Variants in CARD8 observed in about 807,000 individuals in gnomAD.
The protein encoded by CARD8 is caspase recruitment domain family member 8.
Under a neutral mutation model 53.2 loss-of-function variants are expected in CARD8, and 38 were observed. The ratio of observed to expected loss-of-function variants is 0.71; its 90% CI spans 0.55 to 0.94. The LOEUF is 0.94. Among genes scored for constraint, CARD8 ranks in the 40% least tolerant of loss-of-function variants. The pLI is 0.00. For missense variants in CARD8, 561 were observed against 655.5 expected, an observed-to-expected ratio of 0.86 and a Z score of 1.57; for synonymous variants, 245 against 244.9, an observed-to-expected ratio of 1.00 and a Z score of 0.00.
downstream of CARD8, chr19:48,203,332 A>G (rs1043111257): frequency 6.6e-6 from 1 of 152,118 alleles, no homozygotes; most frequent in African/African-American, 2.4e-5. Flanking sequence ...ACTACCTGAA[A>G]TTATGCCACA....
In CARD8 at chr19:48,231,741, T is replaced by C. The variant is rs2042934609; in HGVS notation, c.461A>G (p.Glu154Gly). 1 of 1,613,832 alleles carries C rather than the reference T, an allele frequency of 6.2e-7. No individual in the cohort carries two copies. The highest frequency in any genetic ancestry group is 8.5e-7 in the Non-Finnish European group (1 of 1,179,842). ...YASKVCFEIE[E>G]DYKNRQFLGP... The stretch of plus-strand genomic sequence containing the variant: ...CAGAAACTGACGATTTTTATAATCT[T>C]CTTCGATCTCAAAACAGACTTTAGA... Residue 154 changes from glutamate (E) to glycine (G), a missense_variant, in exon 8 of 14, where the codon GAA (glutamate) becomes GGA (glycine). Glu to Gly is a moderately conservative substitution (Grantham distance 98, BLOSUM62 -2). Transcript: ENST00000651546.
intron 11 of CARD8, among the ~76,000 whole-genome samples, chr19:48,220,717 G>T (rs561859050): frequency 1.3e-5 from 2 of 151,978 alleles, no homozygotes; most frequent in South Asian, 2.1e-4. Context: ...TTCGAGACCA[G>T]CCTGGCCAAC....
At chr19:48,221,913 G>A (rs946205009) in intron 10 of CARD8, 58 bp from the exon 11 acceptor site, 3 of 1,459,744 alleles carry the variant, frequency 2.1e-6, no homozygotes, top group Non-Finnish European at 2.8e-6. Context: ...GCAAGTAGTG[G>A]CATAAAAAGT....
At chr19:48,240,880 T>C (rs985257894) in intron 4 of CARD8, 82 bp downstream of exon 4, 9 of 1,073,750 alleles carry the variant, frequency 8.4e-6, no homozygotes, top group Non-Finnish European at 1.2e-5. Context: ...AAAACATCCA[T>C]GGTCCTCTGT....
intron 10 of CARD8, among the ~76,000 whole-genome samples, chr19:48,228,807 G>A (rs977568200): frequency 6.6e-6 from 1 of 152,088 alleles, no homozygotes; most frequent in Non-Finnish European, 1.5e-5. Context: ...AAGAGGGAAA[G>A]GGACCCAAGA....
At chr19:48,215,941 C>A (rs1013189281) in intron 12 of CARD8, among the ~76,000 whole-genome samples, 6 of 152,026 alleles carry the variant, frequency 3.9e-5, no homozygotes, top group Non-Finnish European at 8.8e-5. Context: ...CATGCCCCCC[C>A]CACCCCACCT....
chr19:48,216,596 G>C (rs1304744073), intron 12 of CARD8, among the ~76,000 whole-genome samples: 1 of 152,218 alleles, frequency 6.6e-6, no homozygotes, highest in Non-Finnish European at 1.5e-5. Flanking sequence ...CAAGAGGGCA[G>C]TTTGCCCAGA....
intron 10 of CARD8, among the ~76,000 whole-genome samples, chr19:48,226,031 G>T (rs1371416345): frequency 1.4e-5 from 2 of 145,920 alleles, no homozygotes; most frequent in African/African-American, 5.3e-5. Context: ...TCCAGCCTGG[G>T]GGACACAGCA....
intron 5 of CARD8, among the ~76,000 whole-genome samples, chr19:48,234,995 T>C (rs1242367056): frequency 6.6e-6 from 1 of 152,200 alleles, no homozygotes; most frequent in African/African-American, 2.4e-5. Flanking sequence ...TTAGTGAGAT[T>C]GGGCATGTTT....
At chr19:48,213,946 G>A (rs1179088749) in intron 13 of CARD8, among the ~76,000 whole-genome samples, 1 of 152,130 alleles carries the variant, frequency 6.6e-6, no homozygotes, top group Non-Finnish European at 1.5e-5. Context: ...GCCAGCTCTT[G>A]ACTATCCTTC....
chr19:48,217,571 C>A (rs1289328290), intron 12 of CARD8, among the ~76,000 whole-genome samples: 1 of 152,068 alleles, frequency 6.6e-6, no homozygotes, highest in Non-Finnish European at 1.5e-5. Flanking sequence ...TTAATCTGTG[C>A]CCATACAACT....
At chr19:48,206,353 T>C, downstream of CARD8, 1 of 434,816 alleles carries the variant, frequency 2.3e-6, no homozygotes, top group Non-Finnish European at 4.7e-6. Flanking sequence ...TATAATGAAA[T>C]AAAACTCAGC....
rs1002101910 is a variant in CARD8 at position 48,208,534 on chromosome 19, C to T, written c.*3176G>A. ...GTCTCATAAGATAACATTCACATTTCGAGGGTACATATCGGAACTACTGAG... is the reference window on the plus strand; with the variant it reads ...GTCTCATAAGATAACATTCACATTTTGAGGGTACATATCGGAACTACTGAG... On this transcript the variant is annotated 3_prime_UTR_variant, in exon 14 of 14. Coordinates refer to ENST00000651546, the MANE Select transcript of CARD8 (RefSeq NM_001184900.3). The T allele has an allele frequency of 6.6e-6, 1 of 152,110 alleles. No individual in the cohort carries two copies. Among genetic ancestry groups the T allele is most frequent in the African/African-American group, 2.4e-5 (1 of 41,412 alleles). The allele number at this position is 152,110 out of a possible 1,614,324, so 9.4% of individuals were successfully genotyped here. A position where few individuals can be genotyped will look rare whatever the true frequency, so the allele number is the denominator to read the frequency against.
At chr19:48,222,456 C>A (rs907529751) in intron 10 of CARD8, among the ~76,000 whole-genome samples, 1 of 152,142 alleles carries the variant, frequency 6.6e-6, no homozygotes, top group Non-Finnish European at 1.5e-5. Flanking sequence ...TTTGGGAGGC[C>A]GAGGTGGGCA....
chr19:48,247,481 A>T (rs1479668333), intron 3 of CARD8, among the ~76,000 whole-genome samples: 2 of 152,194 alleles, frequency 1.3e-5, no homozygotes, highest in East Asian at 3.8e-4. Flanking sequence ...CTGAATTATC[A>T]CTAAGATCTA....
chr19:48,208,071 T>C (rs1355793827), downstream of CARD8: 1 of 152,056 alleles, frequency 6.6e-6, no homozygotes, highest in East Asian at 1.9e-4. Context: ...AATAAATCAA[T>C]TTAACTTCTA....
chr19:48,221,829 G>A lies in CARD8; in HGVS notation c.1062C>T (p.Phe354=). ...TKAIDDEEDR[F]HGVRLQTSPP... is the part of the protein sequence containing the mutation. ...GCGAAGTCTGCAGGCGCACACCATGGAAGCGATCTTCCTCATCATCTATCG... is the reference window on the plus strand; with the variant it reads ...GCGAAGTCTGCAGGCGCACACCATGAAAGCGATCTTCCTCATCATCTATCG... Residue 354 remains phenylalanine (F), a synonymous_variant, in exon 11 of 14, where the codon TTC becomes TTT. Coordinates refer to ENST00000651546, the MANE Select transcript of CARD8 (RefSeq NM_001184900.3). 6.2e-7 allele frequency: 1 copy of A among 1,606,382 alleles called. No individual in the cohort carries two copies. The highest frequency in any genetic ancestry group is 8.5e-7 in the Non-Finnish European group (1 of 1,174,694).
rs1207369232 is a variant in CARD8, at chr19:48,238,478, T to C, written c.114A>G (p.Gly38=). Reference sequence around the variant, plus strand: ...TATTGTCAACCAACAGTTTCCGTGATCCTTGTAGTCTAATGAGTTTGGATG... The same window carrying C: ...TATTGTCAACCAACAGTTTCCGTGACCCTTGTAGTCTAATGAGTTTGGATG... ...IDASKLIRLQ[G]SRKLLVDNSI... The change falls in exon 5 of 14, where the codon GGA becomes GGG. Residue 38 remains glycine (G), a synonymous_variant. Coordinates refer to ENST00000651546, the MANE Select transcript of CARD8 (RefSeq NM_001184900.3). 1.3e-6 allele frequency: 2 copies of C among 1,536,414 alleles called. No individual in the cohort carries two copies. The highest frequency in any genetic ancestry group is 8.7e-7 in the Non-Finnish European group (1 of 1,146,972).
At chr19:48,253,871 A>G (rs926858712) in intron 1 of CARD8, among the ~76,000 whole-genome samples, 1 of 152,222 alleles carries the variant, frequency 6.6e-6, no homozygotes, top group African/African-American at 2.4e-5. Flanking sequence ...TAACAGAATA[A>G]CAGAGTATCA....
Sources: gnomAD v4.1 joint callset for allele counts (sites outside exome capture counted in the v4.1 genomes callset) on GRCh38, gnomAD v4.1.1 for gene constraint, MANE v1.5 for transcripts, NCBI Gene and HGNC (gene_info 2026-07-23, HGNC 2026-07-21) for gene names.